Variants in MAML2 observed in about 807,000 individuals in gnomAD.
The protein encoded by MAML2 is mastermind-like protein 2.
MAML2 carries 22 observed loss-of-function variants against 96.1 expected under a neutral mutation model. That is an observed-to-expected ratio of 0.23 (90% CI 0.16 to 0.33). MAML2 has a LOEUF of 0.33. Among genes scored for constraint, MAML2 ranks in the 10% least tolerant of loss-of-function variants. MAML2 has a pLI of 1.00. For synonymous variants in MAML2, 561 were observed against 521.3 expected, an observed-to-expected ratio of 1.08 and a Z score of -1.04; for missense variants, 1,367 against 1,392.4, an observed-to-expected ratio of 0.98 and a Z score of 0.29.
intron 1 of MAML2, among the ~76,000 whole-genome samples, chr11:96,263,395 C>A (rs540660): frequency 0.14 from 20,700 of 152,206 alleles, 1,549 homozygotes; most frequent in Admixed American, 0.21. Context: ...TATTACAATT[C>A]AACAATTTAA....
chr11:96,122,855 C>A (rs11021441), intron 1 of MAML2, among the ~76,000 whole-genome samples: 5 of 152,168 alleles, frequency 3.3e-5, no homozygotes, highest in Non-Finnish European at 7.4e-5. Context: ...CTGCAAGCCC[C>A]TGCATTATGC....
intron 1 of MAML2, among the ~76,000 whole-genome samples, chr11:96,275,988 A>G (rs1456416161): frequency 2.0e-5 from 3 of 152,202 alleles, no homozygotes; most frequent in Non-Finnish European, 4.4e-5. Context: ...AATGTCTAGC[A>G]TGGTGAGTAG....
chr11:96,247,734 A>G (rs1306143457), intron 1 of MAML2, among the ~76,000 whole-genome samples: 3 of 152,080 alleles, frequency 2.0e-5, no homozygotes, highest in Non-Finnish European at 4.4e-5. Context: ...TCATTCTCCT[A>G]CATGACTACT....
Position 95,978,925 on chromosome 11 carries a change from G to A in MAML2, c.*23C>T. The A allele has an allele frequency of 3.2e-6, 5 of 1,578,490 alleles. No homozygotes were observed. The highest frequency in any genetic ancestry group is 4.3e-6 in the Non-Finnish European group (5 of 1,163,536). The stretch of plus-strand genomic sequence containing the variant: ...TACTGCCTTTTAGTGCTTGGAGTTT[G>A]TAAATTGTCTTCCCTTTCTTCTTTA... On this transcript the variant is annotated 3_prime_UTR_variant, in exon 5 of 5. Coordinates refer to ENST00000524717, the MANE Select transcript of MAML2 (RefSeq NM_032427.4).
intron 3 of MAML2, among the ~76,000 whole-genome samples, chr11:95,987,694 A>T (rs1408063163): frequency 6.6e-6 from 1 of 152,228 alleles, no homozygotes; most frequent in East Asian, 1.9e-4. Context: ...GAGAGGAAAA[A>T]GCCTTAAAAC....
chr11:96,312,045 C>A (rs191015090), intron 1 of MAML2, among the ~76,000 whole-genome samples: 4 of 151,822 alleles, frequency 2.6e-5, no homozygotes, highest in East Asian at 1.9e-4. Flanking sequence ...CATGGTGAAA[C>A]CCTGTCTCTA....
At chr11:96,005,949 C>T (rs576176442) in intron 2 of MAML2, among the ~76,000 whole-genome samples, 1 of 151,448 alleles carries the variant, frequency 6.6e-6, no homozygotes, top group South Asian at 2.1e-4. Flanking sequence ...GAGAATGTCT[C>T]GGTTATTACA....
intron 2 of MAML2, among the ~76,000 whole-genome samples, chr11:96,091,183 T>C (rs1239446079): frequency 6.6e-6 from 1 of 152,204 alleles, no homozygotes; most frequent in Non-Finnish European, 1.5e-5. Context: ...GTAGTCGTGA[T>C]AATTTCATCT....
intron 1 of MAML2, among the ~76,000 whole-genome samples, chr11:96,209,715 T>C (rs913061121): frequency 9.2e-5 from 14 of 152,228 alleles, no homozygotes; most frequent in Admixed American, 7.2e-4. Flanking sequence ...TTATAAAATC[T>C]GTAGGCTCCT....
chr11:96,207,245 A>T (rs1350980959), intron 1 of MAML2, among the ~76,000 whole-genome samples: 1 of 152,176 alleles, frequency 6.6e-6, no homozygotes, highest in Admixed American at 6.5e-5. Context: ...GCTGCAAAGG[A>T]TGTCATTTTA....
At chr11:96,139,217 C>A (rs1391557480) in intron 1 of MAML2, among the ~76,000 whole-genome samples, 1 of 152,148 alleles carries the variant, frequency 6.6e-6, no homozygotes, top group Non-Finnish European at 1.5e-5. Flanking sequence ...GTGGCTCACA[C>A]CTGTAATCCC....
chr11:95,995,444 A>G lies in MAML2; in HGVS notation c.2140-3721T>C, dbSNP rs568964305. ...CATCCAATTATTTATGCATAGTGCA[A>G]TCATGTACATTTACTAAGTACCGTG... On this transcript the variant is annotated intron_variant, in intron 2 of 4. Transcript: ENST00000524717. Among the ~76,000 whole-genome samples the G allele has an allele frequency of 2.1e-4, 32 of 152,292 alleles. 1 individual carries two copies. In the South Asian group the frequency reaches 5.8e-3, roughly 28 times the overall value.
intron 1 of MAML2, among the ~76,000 whole-genome samples, chr11:96,102,103 C>T (rs1228673806): frequency 1.3e-5 from 2 of 152,154 alleles, no homozygotes; most frequent in Non-Finnish European, 2.9e-5. Flanking sequence ...GGTGAAACAC[C>T]ATCTCTACTA....
chr11:96,193,488 T>TA (rs768485313), intron 1 of MAML2, among the ~76,000 whole-genome samples: 14 of 152,220 alleles, frequency 9.2e-5, no homozygotes, highest in Non-Finnish European at 1.3e-4. Flanking sequence ...AACACTACGT[T>TA]AAAGATATGC....
chr11:96,334,254 C>G (rs966858047), intron 1 of MAML2, among the ~76,000 whole-genome samples: 1 of 152,192 alleles, frequency 6.6e-6, no homozygotes, highest in African/African-American at 2.4e-5. Flanking sequence ...CAATTCTGGG[C>G]TGGGAAACCT....
At chr11:96,183,360 C>T (rs1380558595) in intron 1 of MAML2, among the ~76,000 whole-genome samples, 2 of 150,412 alleles carry the variant, frequency 1.3e-5, no homozygotes, top group African/African-American at 4.9e-5. Context: ...TCCTCTCTTT[C>T]TCTCTTCCTT....
At chr11:96,194,085 A>G (rs1005710404) in intron 1 of MAML2, among the ~76,000 whole-genome samples, 2 of 152,224 alleles carry the variant, frequency 1.3e-5, no homozygotes, top group African/African-American at 4.8e-5. Context: ...AACGATCTAG[A>G]ACTGGCCTCA....
At chr11:96,246,816 C>T (rs1862518456) in intron 1 of MAML2, among the ~76,000 whole-genome samples, 1 of 152,056 alleles carries the variant, frequency 6.6e-6, no homozygotes, top group African/African-American at 2.4e-5. Context: ...TCTGAGGAAA[C>T]CGTTGTGGAC....
chr11:96,072,204 A>G (rs1859356855), intron 2 of MAML2, among the ~76,000 whole-genome samples: 1 of 152,242 alleles, frequency 6.6e-6, no homozygotes, highest in Non-Finnish European at 1.5e-5. Context: ...GCCAAAAAAA[A>G]AGCTCTTGTT....
Sources: gnomAD v4.1 joint callset for allele counts (sites outside exome capture counted in the v4.1 genomes callset) on GRCh38, gnomAD v4.1.1 for gene constraint, MANE v1.5 for transcripts, NCBI Gene and HGNC (gene_info 2026-07-23, HGNC 2026-07-21) for gene names.